The following PARP8 variants were observed in gnomAD, a reference collection of about 807,000 sequenced individuals.
The protein encoded by PARP8 is poly(ADP-ribose) polymerase family member 8, also known as protein mono-ADP-ribosyltransferase PARP8.
In PARP8, 51 loss-of-function variants were observed where a neutral mutation model predicts 124.1. The ratio of observed to expected loss-of-function variants is 0.41; its 90% CI spans 0.33 to 0.52. PARP8 has a LOEUF of 0.52. PARP8 is among the 20% of genes least tolerant of loss of function. The pLI is 0.21. For missense variants in PARP8, 860 were observed against 1,018.9 expected (o/e 0.84, Z 2.12); for synonymous variants, 391 against 361.5 (o/e 1.08, Z -0.93).
intron 10 of PARP8, among the ~76,000 whole-genome samples, chr5:50,793,802 A>G (rs895544621): frequency 2.0e-5 from 3 of 152,140 alleles, no homozygotes; most frequent in Non-Finnish European, 2.9e-5. Context: ...ATTAGTAACA[A>G]AAATTTTCTT....
chr5:50,714,438 G>T (rs1008990018), intron 2 of PARP8, among the ~76,000 whole-genome samples: 1 of 151,574 alleles, frequency 6.6e-6, no homozygotes, highest in South Asian at 2.1e-4. Flanking sequence ...TAAGTTCTGG[G>T]ATACATGTGC....
intron 2 of PARP8, among the ~76,000 whole-genome samples, chr5:50,698,963 T>G (rs1259674774): frequency 2.0e-5 from 3 of 152,208 alleles, no homozygotes; most frequent in Non-Finnish European, 4.4e-5. Context: ...AAGAAAAGTT[T>G]ATTTTGAAAA....
chr5:50,791,634 G>T (rs1741966432), intron 10 of PARP8, among the ~76,000 whole-genome samples: 1 of 152,122 alleles, frequency 6.6e-6, no homozygotes, highest in Admixed American at 6.6e-5. Flanking sequence ...CTTGTATAGG[G>T]TATCCTATCA....
intron 14 of PARP8, among the ~76,000 whole-genome samples, chr5:50,812,626 T>A (rs1744588397): frequency 6.6e-6 from 1 of 152,154 alleles, no homozygotes; most frequent in South Asian, 2.1e-4. Context: ...TTTTGGCTTT[T>A]GTTGCCATTG....
chr5:50,812,264 G>A (rs1315531584), intron 14 of PARP8, among the ~76,000 whole-genome samples: 1 of 152,120 alleles, frequency 6.6e-6, no homozygotes, highest in African/African-American at 2.4e-5. Flanking sequence ...GTTGTTTCCT[G>A]ACTTTTTAAT....
In PARP8 at chr5:50,714,762, A is replaced by G. The variant is rs1458680192; in HGVS notation, c.147-35389A>G. The stretch of plus-strand genomic sequence containing the variant: ...TTCCAACTCTATGTGCAGCCTTCCA[A>G]GCAGCCCCTGATTTTAGCCTCCCTC... On this transcript the variant is annotated intron_variant, in intron 2 of 25. Coordinates refer to ENST00000281631, the MANE Select transcript of PARP8 (RefSeq NM_024615.4). Among the ~76,000 whole-genome samples the G allele has an allele frequency of 2.6e-5, 4 of 152,082 alleles. No homozygotes were observed. In the East Asian group the frequency reaches 7.8e-4, roughly 29 times the overall value.
At chr5:50,699,787 A>C (rs1468331149) in intron 2 of PARP8, among the ~76,000 whole-genome samples, 1 of 152,114 alleles carries the variant, frequency 6.6e-6, no homozygotes, top group African/African-American at 2.4e-5. Flanking sequence ...AGCTCCTAAA[A>C]GTGAGCTGAT....
chr5:50,810,630 A>G (rs1424223849), intron 14 of PARP8, among the ~76,000 whole-genome samples: 1 of 152,190 alleles, frequency 6.6e-6, no homozygotes, highest in East Asian at 1.9e-4. Context: ...ACTTAATGTA[A>G]TTTGAGAACT....
chr5:50,765,983 ATT>A (rs201259942), intron 7 of PARP8, among the ~76,000 whole-genome samples: 1 of 149,622 alleles, frequency 6.7e-6, no homozygotes, highest in Non-Finnish European at 1.5e-5. Context: ...ATTAGGAGTA[ATT>A]TTTTTTTTTA....
intron 7 of PARP8, among the ~76,000 whole-genome samples, chr5:50,766,550 C>A (rs1346753897): frequency 1.3e-5 from 2 of 152,112 alleles, no homozygotes; most frequent in African/African-American, 2.4e-5. Flanking sequence ...ATAAAATATT[C>A]TTTACCTTAT....
intron 2 of PARP8, among the ~76,000 whole-genome samples, chr5:50,675,539 C>A (rs1296572542): frequency 6.6e-6 from 1 of 152,300 alleles, no homozygotes; most frequent in Admixed American, 6.5e-5. Flanking sequence ...ACTCAGGTGA[C>A]CTCAGGTGAT....
intron 2 of PARP8, among the ~76,000 whole-genome samples, chr5:50,710,065 C>T (rs1001756074): frequency 2.0e-5 from 3 of 150,936 alleles, no homozygotes; most frequent in Non-Finnish European, 3.0e-5. Context: ...CTTAATGACC[C>T]TTTAATAAGG....
At chr5:50,812,630 G>C (rs1442757958) in intron 14 of PARP8, among the ~76,000 whole-genome samples, 1 of 152,038 alleles carries the variant, frequency 6.6e-6, no homozygotes, top group African/African-American at 2.4e-5. Flanking sequence ...GGCTTTTGTT[G>C]CCATTGCTTT....
intron 4 of PARP8, 130 bp from the exon 5 acceptor site, chr5:50,760,162 A>G (rs879251119): frequency 7.0e-6 from 6 of 860,334 alleles, no homozygotes; most frequent in Admixed American, 4.0e-5. Flanking sequence ...CATGATTTCA[A>G]AATATCCCTT....
At chr5:50,671,548 A>G (rs1750020420) in intron 2 of PARP8, among the ~76,000 whole-genome samples, 1 of 152,160 alleles carries the variant, frequency 6.6e-6, no homozygotes, top group South Asian at 2.1e-4. Context: ...AAATACGCCA[A>G]AAAGAAGAAA....
At chr5:50,790,399 G>A (rs1741813274) in intron 10 of PARP8, among the ~76,000 whole-genome samples, 1 of 152,090 alleles carries the variant, frequency 6.6e-6, no homozygotes, top group South Asian at 2.1e-4. Context: ...TGAGCATGGA[G>A]CCTGCCTCCA....
chr5:50,796,281 C>G lies in PARP8; in HGVS notation c.1429-701C>G, dbSNP rs143038601. Among the ~76,000 whole-genome samples, 200 of 152,152 alleles carry G rather than the reference C, an allele frequency of 1.3e-3. 1 individual carries two copies. The highest frequency in any genetic ancestry group is 4.6e-3 in the African/African-American group (192 of 41,524). On this transcript the variant is annotated intron_variant, in intron 12 of 25. Coordinates refer to ENST00000281631, the MANE Select transcript of PARP8 (RefSeq NM_024615.4). ...TGAAATTGAAAAAAATAAGATGTTT[C>G]AGGAAAGTAATGTTATTCTTATATA...
At chr5:50,793,273 A>G (rs1304936377) in intron 10 of PARP8, among the ~76,000 whole-genome samples, 1 of 152,198 alleles carries the variant, frequency 6.6e-6, no homozygotes, top group African/African-American at 2.4e-5. Context: ...GACAATCCTG[A>G]AGTTATTTTT....
At chr5:50,727,624 T>A (rs1259316557) in intron 2 of PARP8, among the ~76,000 whole-genome samples, 1 of 152,112 alleles carries the variant, frequency 6.6e-6, no homozygotes, top group African/African-American at 2.4e-5. Context: ...CATAGAGAAA[T>A]AAAATATAAT....
Sources: allele counts gnomAD v4.1 joint callset (sites outside exome capture counted in the v4.1 genomes callset), GRCh38; gene constraint gnomAD v4.1.1; transcripts MANE v1.5; gene names NCBI Gene and HGNC (gene_info 2026-07-23, HGNC 2026-07-21).